Variants in PNISR observed in about 807,000 individuals in gnomAD.
The protein encoded by PNISR is arginine/serine-rich protein PNISR.
PNISR carries 20 observed loss-of-function variants against 93.4 expected under a neutral mutation model. The observed-to-expected ratio is 0.21, with a 90% CI of 0.15 to 0.31. The LOEUF is 0.31. Ranked by LOEUF, PNISR falls within the 10% of genes least tolerant of loss-of-function variation. The probability of loss-of-function intolerance (pLI) is 1.00; values close to 1 mark genes in which losing one functional copy is unlikely to be tolerated. For synonymous variants in PNISR, 305 were observed against 306.5 expected (o/e 0.99, Z 0.05); for missense variants, 893 against 985.4 (o/e 0.91, Z 1.25).
intron 2 of PNISR, 191 bp downstream of exon 2, chr6:99,416,158 A>G (rs1777666779): frequency 5.3e-6 from 2 of 374,064 alleles, no homozygotes; most frequent in Non-Finnish European, 9.5e-6. Context: ...TTTTTTTCTA[A>G]CCTCTGTTCA....
At chr6:99,404,038 T>C in intron 9 of PNISR, 156 bp from the exon 10 acceptor site, 2 of 585,274 alleles carry the variant, frequency 3.4e-6, no homozygotes, top group Middle Eastern at 5.9e-4. Flanking sequence ...ACCAGTATCA[T>C]GTCTGGCTTT....
chr6:99,414,327 G>C (rs564309992), intron 3 of PNISR, among the ~76,000 whole-genome samples: 1 of 152,226 alleles, frequency 6.6e-6, no homozygotes, highest in South Asian at 2.1e-4. Context: ...AGAAAAACAA[G>C]GACTAAATCA....
rs955500983 is a variant in PNISR, at chr6:99,399,946, A to T, written c.*594T>A. Reference sequence around the variant, plus strand: ...AGTACGTTCCTTAGATTAAAACCATAAAATTAAGGTGCAAGAGTTTAACAA... The same window carrying T: ...AGTACGTTCCTTAGATTAAAACCATTAAATTAAGGTGCAAGAGTTTAACAA... On this transcript the variant is annotated 3_prime_UTR_variant, in exon 12 of 12. Coordinates refer to ENST00000369239, the MANE Select transcript of PNISR (RefSeq NM_032870.4). The T allele has an allele frequency of 2.6e-5, 4 of 152,198 alleles. No homozygotes were observed. The highest frequency in any genetic ancestry group is 9.7e-5 in the African/African-American group (4 of 41,442). 9.4% of individuals were successfully genotyped at this position (152,198 alleles called of 1,614,324 possible). A position where few individuals can be genotyped will look rare whatever the true frequency, so the allele number is the denominator to read the frequency against.
chr6:99,420,346 A>C (rs903533022), intron 1 of PNISR, among the ~76,000 whole-genome samples: 3 of 152,252 alleles, frequency 2.0e-5, no homozygotes, highest in South Asian at 4.1e-4. Context: ...CTTACATTAA[A>C]ATTTTGTAGA....
rs1356296964 is a variant in PNISR at position 99,412,605 on chromosome 6, T to C, written c.223A>G (p.Asn75Asp). Residue 75 changes from asparagine to aspartate, a missense_variant, in exon 4 of 12, where the codon AAC (asparagine) becomes GAC (aspartate). Transcript: ENST00000369239. ...QDMSTMESGPNNHGNFQGDSN... is the reference protein window; with the variant it reads ...QDMSTMESGPDNHGNFQGDSN... ...TCCCCTTGGAAATTCCCATGATTGT[T>C]TGGACCAGATTCCATTGTAGACATA... is the stretch of plus-strand genomic sequence containing the variant. 1.2e-6 allele frequency: 2 copies of C among 1,610,074 alleles called. No individual in the cohort carries two copies. Among genetic ancestry groups the C allele is most frequent in the Non-Finnish European group, 1.7e-6 (2 of 1,178,812 alleles).
chr6:99,424,866 C>T lies in PNISR; in HGVS notation c.-112+349G>A, dbSNP rs555177508. On this transcript the variant is annotated intron_variant, in intron 1 of 11. Coordinates refer to ENST00000369239, the MANE Select transcript of PNISR (RefSeq NM_032870.4). ...AGCTCCAGGTCGCGAGCCCCCGCCT[C>T]CTCCGCCCCCATGAACCCCCTTCCC... The T allele has an allele frequency of 3.9e-4, 78 of 201,730 alleles. No homozygotes were observed. In the South Asian group the frequency reaches 0.015, roughly 39 times the overall value. 12.5% of individuals were successfully genotyped at this position (201,730 alleles called of 1,614,324 possible).
intron 1 of PNISR, among the ~76,000 whole-genome samples, chr6:99,416,650 T>C (rs1292630218): frequency 5.9e-5 from 9 of 152,168 alleles, no homozygotes. Context: ...TTCCAAATCT[T>C]TTATTTACTT....
In PNISR at chr6:99,400,071, C is replaced by T. The variant is rs1220632539; in HGVS notation, c.*469G>A. ...ATGGCATGTTTATAGTCTTATTATG[C>T]ACTATATTTTTTGAAAAAAACGTAA... is the stretch of plus-strand genomic sequence containing the variant. On this transcript the variant is annotated 3_prime_UTR_variant, in exon 12 of 12. Coordinates refer to ENST00000369239, the MANE Select transcript of PNISR (RefSeq NM_032870.4). 6.5e-6 allele frequency: 1 copy of T among 153,810 alleles called. No individual in the cohort carries two copies. Among genetic ancestry groups the T allele is most frequent in the Non-Finnish European group, 1.5e-5 (1 of 68,514 alleles). 9.5% of individuals were successfully genotyped at this position (153,810 alleles called of 1,614,324 possible). A position where few individuals can be genotyped will look rare whatever the true frequency, so the allele number is the denominator to read the frequency against.
At position 99,414,849 on chromosome 6, in the gene PNISR, C is replaced by T. The variant is rs116227737; in HGVS notation, c.-31-159G>A. 7.1e-3 allele frequency: 2,816 copies of T among 399,002 alleles called. 46 individuals are homozygous for T. The highest frequency in any genetic ancestry group is 0.04 in the African/African-American group (1,919 of 48,302). 24.7% of individuals were successfully genotyped at this position (399,002 alleles called of 1,614,324 possible). On this transcript the variant is annotated intron_variant, in intron 2 of 11. Coordinates refer to ENST00000369239, the MANE Select transcript of PNISR (RefSeq NM_032870.4). ...CAACTAGAATTTTTAGGGTACCAAACGAGGTAGAAAATTTTATGTTAATGC... is the reference window on the plus strand; with the variant it reads ...CAACTAGAATTTTTAGGGTACCAAATGAGGTAGAAAATTTTATGTTAATGC...
chr6:99,415,719 A>G (rs1264775944), intron 2 of PNISR: 1 of 152,172 alleles, frequency 6.6e-6, no homozygotes, highest in African/African-American at 2.4e-5. Flanking sequence ...TACTAAATGA[A>G]TCCTTCTAGA....
chr6:99,401,315 C>T lies in PNISR; in HGVS notation c.1643G>A (p.Arg548Gln), dbSNP rs144131663. Reference protein sequence around the residue: ...SSSGSSRTSSRSSSPKRKKRH... With the variant: ...SSSGSSRTSSQSSSPKRKKRH... The stretch of plus-strand genomic sequence containing the variant: ...CTTTTTCCTTTTAGGAGAAGAAGAC[C>T]GAGAAGAAGTACGACTACTACCTGA... Residue 548 changes from arginine (R) to glutamine (Q), a missense_variant, in exon 12 of 12, where the codon CGG becomes CAG. Transcript: ENST00000369239. The T allele has an allele frequency of 7.5e-4, 1,209 of 1,613,920 alleles. 3 individuals are homozygous for T. Among genetic ancestry groups the T allele is most frequent in the Middle Eastern group, 2.8e-3 (17 of 6,062 alleles).
At chr6:99,403,522 T>C (rs1175258175) in intron 10 of PNISR, 1 of 170,910 alleles carries the variant, frequency 5.9e-6, no homozygotes, top group Non-Finnish European at 1.2e-5. Flanking sequence ...AATTATTAAG[T>C]ACAAACTATA....
At chr6:99,425,103 G>A (rs549066351) in intron 1 of PNISR, 112 bp downstream of exon 1, 280 of 615,352 alleles carry the variant, frequency 4.6e-4, no homozygotes, top group Non-Finnish European at 5.9e-4. Context: ...TCCAGCGGTC[G>A]CGCCAAGCAG....
Position 99,406,180 on chromosome 6 carries a change from A to G in PNISR, c.865-12T>C. 6.3e-7 allele frequency: 1 copy of G among 1,586,834 alleles called. No homozygotes were observed. The highest frequency in any genetic ancestry group is 1.1e-5 in the South Asian group (1 of 89,442). ...TCCTCATCACTATCCTATAAAAAAC[A>G]ATAGTATGGTAGTCCAAATTCATGT... On this transcript the variant is annotated splice_polypyrimidine_tract_variant and intron_variant, in intron 7 of 11. Transcript: ENST00000369239.
intron 1 of PNISR, among the ~76,000 whole-genome samples, chr6:99,423,011 A>G (rs534939168): frequency 2.6e-4 from 40 of 152,092 alleles, no homozygotes; most frequent in Non-Finnish European, 5.9e-4. Context: ...CCTAGGCACG[A>G]GAACTTGGTT....
At chr6:99,411,252 A>G (rs1776870308) in intron 4 of PNISR, among the ~76,000 whole-genome samples, 1 of 152,214 alleles carries the variant, frequency 6.6e-6, no homozygotes, top group Non-Finnish European at 1.5e-5. Context: ...TTGAATTTTT[A>G]TATTTGTTTA....
intron 6 of PNISR, 150 bp downstream of exon 6, chr6:99,409,023 G>A: frequency 3.2e-6 from 2 of 622,496 alleles, no homozygotes; most frequent in South Asian, 2.0e-5. Flanking sequence ...TATCATTTTT[G>A]TAATTTTAAG....
At chr6:99,406,442 C>A (rs917566407) in intron 7 of PNISR, among the ~76,000 whole-genome samples, 1 of 151,872 alleles carries the variant, frequency 6.6e-6, no homozygotes, top group African/African-American at 2.4e-5. Flanking sequence ...TTTATAAATA[C>A]CCAGAAAAAC....
In PNISR at chr6:99,401,339, G is replaced by A; in HGVS notation, c.1619C>T (p.Ser540Leu). The A allele has an allele frequency of 1.2e-6, 2 of 1,613,978 alleles. No individual in the cohort carries two copies. The change falls in exon 12 of 12, where the codon TCA becomes TTA. Residue 540 changes from serine (S) to leucine (L), a missense_variant. Physicochemically the swap from Ser to Leu is moderately radical, Grantham distance 145 (BLOSUM62 -2). This residue lies in a region of PNISR where 866 missense variants were observed against 935.1 expected (regional missense o/e 0.93). Coordinates refer to ENST00000369239, the MANE Select transcript of PNISR (RefSeq NM_032870.4). Reference sequence around the variant, plus strand: ...CCGAGAAGAAGTACGACTACTACCTGAGCTAGAACTGTATGAAGAGCTAGA... The same window carrying A: ...CCGAGAAGAAGTACGACTACTACCTAAGCTAGAACTGTATGAAGAGCTAGA... ...TVSSSSYSSSSGSSRTSSRSS... is the reference protein window; with the variant it reads ...TVSSSSYSSSLGSSRTSSRSS...
Sources: allele counts gnomAD v4.1 joint callset (sites outside exome capture counted in the v4.1 genomes callset), GRCh38; gene constraint gnomAD v4.1.1; regional missense constraint gnomAD v4.1.1; transcripts MANE v1.5; gene names NCBI Gene and HGNC (gene_info 2026-07-23, HGNC 2026-07-21).